Variants in PDPN observed in about 807,000 individuals in gnomAD.
PDPN encodes the protein podoplanin.
Under a neutral mutation model 23.2 loss-of-function variants are expected in PDPN, and 12 were observed. That is an observed-to-expected ratio of 0.52 (90% CI 0.33 to 0.84). PDPN has a LOEUF of 0.84. Ranked by LOEUF, PDPN falls within the 40% of genes least tolerant of loss-of-function variation. PDPN has a pLI of 0.02. For missense variants in PDPN, 199 were observed against 212.2 expected (o/e 0.94, Z 0.39); for synonymous variants, 77 against 76.7 (o/e 1.00, Z -0.02).
chr1:13,598,576 C>G (rs1250139713), intron 1 of PDPN, among the ~76,000 whole-genome samples: 1 of 152,170 alleles, frequency 6.6e-6, no homozygotes, highest in Non-Finnish European at 1.5e-5. Flanking sequence ...CCCTCCTCAA[C>G]ATCTCCTGGC....
intron 1 of PDPN, among the ~76,000 whole-genome samples, chr1:13,591,793 G>A (rs980329333): frequency 6.6e-6 from 1 of 152,176 alleles, no homozygotes; most frequent in Non-Finnish European, 1.5e-5. Flanking sequence ...TTCCTGGGCC[G>A]AAGCCATCCT....
intron 1 of PDPN, among the ~76,000 whole-genome samples, chr1:13,604,619 A>G (rs1640736688): frequency 6.6e-6 from 1 of 151,820 alleles, no homozygotes; most frequent in South Asian, 2.1e-4. Flanking sequence ...TTTTTTTTTA[A>G]AGCAAGGATT....
intron 4 of PDPN, 86 bp downstream of exon 4, chr1:13,613,811 T>G: frequency 1.3e-6 from 1 of 743,090 alleles, no homozygotes; most frequent in South Asian, 1.5e-5. Flanking sequence ...AATTGCGTTC[T>G]TTTCTGGATT....
rs1031818802 is a variant in PDPN, at chr1:13,616,223, T to G, written c.*312T>G. 6 of 439,062 alleles carry G rather than the reference T, an allele frequency of 1.4e-5. No individual in the cohort carries two copies. Among genetic ancestry groups the G allele is most frequent in the Middle Eastern group, 1.3e-3 (2 of 1,576 alleles). The allele number at this position is 439,062 out of a possible 1,614,324, so 27.2% of individuals were successfully genotyped here. A position where few individuals can be genotyped will look rare whatever the true frequency, so the allele number is the denominator to read the frequency against. On this transcript the variant is annotated 3_prime_UTR_variant, in exon 6 of 6. Transcript: ENST00000621990. The stretch of plus-strand genomic sequence containing the variant: ...TGATTTGTAACTAACACTGGACCAT[T>G]GGATCGATATTATATGCTGTAACCA...
chr1:13,612,003 A>G (rs1570058648), intron 3 of PDPN, among the ~76,000 whole-genome samples: 3 of 152,278 alleles, frequency 2.0e-5, no homozygotes, highest in Admixed American at 1.3e-4. Flanking sequence ...ATATTCTGTC[A>G]TACTTCATAC....
At chr1:13,614,545 C>T (rs1570064192) in intron 5 of PDPN, 134 bp downstream of exon 5, 1 of 638,792 alleles carries the variant, frequency 1.6e-6, no homozygotes, top group African/African-American at 1.8e-5. Context: ...AGCTGCTGGG[C>T]ACCTGCAGAC....
chr1:13,613,636 A>T, intron 3 of PDPN, 51 bp from the exon 4 acceptor site: 1 of 887,428 alleles, frequency 1.1e-6, no homozygotes, highest in South Asian at 1.4e-5. Context: ...TTGTTAAATT[A>T]TAGTTATTAA....
chr1:13,599,308 G>A (rs528485665), intron 1 of PDPN, among the ~76,000 whole-genome samples: 5 of 150,794 alleles, frequency 3.3e-5, no homozygotes, highest in South Asian at 2.1e-4. Context: ...CACCATGCCC[G>A]GCCAGAAAGT....
intron 1 of PDPN, chr1:13,595,858 C>G: frequency 7.8e-7 from 1 of 1,288,200 alleles, no homozygotes; most frequent in Non-Finnish European, 1.0e-6. Flanking sequence ...GGGGTGAAGC[C>G]TGGTGGACAG....
At chr1:13,611,774 A>G (rs1570058309) in intron 3 of PDPN, among the ~76,000 whole-genome samples, 1 of 152,088 alleles carries the variant, frequency 6.6e-6, no homozygotes, top group Non-Finnish European at 1.5e-5. Flanking sequence ...AGTGGGGGGA[A>G]CCTTATAAAG....
In PDPN at chr1:13,614,423, G is replaced by C. The variant is rs778684305; in HGVS notation, c.482+12G>C. 1.1e-5 allele frequency: 14 copies of C among 1,275,196 alleles called. No individual in the cohort carries two copies. The highest frequency in any genetic ancestry group is 1.7e-5 in the Admixed American group (1 of 58,414). 79.0% of individuals were successfully genotyped at this position (1,275,196 alleles called of 1,614,324 possible). A position where few individuals can be genotyped will look rare whatever the true frequency, so the allele number is the denominator to read the frequency against. On this transcript the variant is annotated intron_variant, in intron 5 of 5. Transcript: ENST00000621990. Reference sequence around the variant, plus strand: ...TCGGGAAGGTACTCGTAAGTAAATAGCTTACACCCATGTGATAGGCAAATG... The same window carrying C: ...TCGGGAAGGTACTCGTAAGTAAATACCTTACACCCATGTGATAGGCAAATG...
intron 1 of PDPN, among the ~76,000 whole-genome samples, chr1:13,604,731 G>A (rs115428277): frequency 1.2e-3 from 185 of 152,220 alleles, no homozygotes; most frequent in African/African-American, 4.2e-3. Flanking sequence ...AACCAGGTGA[G>A]GAAGAAATAA....
chr1:13,585,125 G>T (rs1305016621), intron 1 of PDPN, among the ~76,000 whole-genome samples: 2 of 152,182 alleles, frequency 1.3e-5, no homozygotes, highest in African/African-American at 4.8e-5. Context: ...CCTAACTCGT[G>T]ATCTTTGGGG....
chr1:13,604,822 A>C (rs1452026670), intron 1 of PDPN, among the ~76,000 whole-genome samples: 1 of 152,222 alleles, frequency 6.6e-6, no homozygotes, highest in Non-Finnish European at 1.5e-5. Context: ...ATAAATACAC[A>C]GTAAGCGTTT....
intron 1 of PDPN, among the ~76,000 whole-genome samples, chr1:13,602,013 CT>C (rs1640654398): frequency 6.9e-6 from 1 of 144,074 alleles, no homozygotes; most frequent in African/African-American, 2.9e-5. Context: ...TGGCTCATGC[CT>C]TTGGGTGGCT....
rs145576013 is a variant in PDPN, at chr1:13,610,299, C to A, written c.202-88C>A. On this transcript the variant is annotated intron_variant, in intron 2 of 5. Coordinates refer to ENST00000621990, the MANE Select transcript of PDPN (RefSeq NM_006474.5). ...CCATCATATGTTCCATATTTTTATGCCACCTTAAATCCTTTTATAAGGCAG... is the reference window on the plus strand; with the variant it reads ...CCATCATATGTTCCATATTTTTATGACACCTTAAATCCTTTTATAAGGCAG... The A allele has an allele frequency of 6.4e-5, 71 of 1,107,328 alleles. No individual in the cohort carries two copies. In the East Asian group the frequency reaches 1.7e-3, roughly 26 times the overall value. 68.6% of individuals were successfully genotyped at this position (1,107,328 alleles called of 1,614,324 possible).
intron 1 of PDPN, among the ~76,000 whole-genome samples, chr1:13,601,759 G>A (rs2100248225): frequency 6.6e-6 from 1 of 152,262 alleles, no homozygotes; most frequent in Non-Finnish European, 1.5e-5. Flanking sequence ...CTTTTGGGGG[G>A]AAATTATATT....
At chr1:13,613,861 G>A in intron 4 of PDPN, 136 bp downstream of exon 4, 3 of 290,022 alleles carry the variant, frequency 1.0e-5, no homozygotes, top group Admixed American at 5.7e-5. Context: ...TCCGAGAACA[G>A]ATTTCAAGCT....
intron 3 of PDPN, among the ~76,000 whole-genome samples, chr1:13,611,912 T>C (rs1640945019): frequency 6.6e-6 from 1 of 152,158 alleles, no homozygotes; most frequent in Non-Finnish European, 1.5e-5. Context: ...TTGGAAAACA[T>C]TTCAAAATTT....
Sources: allele counts gnomAD v4.1 joint callset (sites outside exome capture counted in the v4.1 genomes callset), GRCh38; gene constraint gnomAD v4.1.1; transcripts MANE v1.5; gene names NCBI Gene and HGNC (gene_info 2026-07-23, HGNC 2026-07-21).